The following BCAS3 variants were observed in gnomAD, a reference collection of about 807,000 sequenced individuals.
BCAS3 encodes BCAS3 microtubule associated cell migration factor.
A neutral mutation model predicts 116.1 loss-of-function variants in BCAS3; 53 were observed. The observed-to-expected ratio is 0.46, with a 90% confidence interval of 0.37 to 0.57. The LOEUF (loss-of-function observed/expected upper bound fraction) is 0.57, where lower values mean the gene tolerates loss of function less well. BCAS3 is among the 20% of genes least tolerant of loss of function. The probability of loss-of-function intolerance (pLI) is 0.00; values close to 1 mark genes in which losing one functional copy is unlikely to be tolerated. For missense variants in BCAS3, 917 were observed against 1,165.4 expected (o/e 0.79, Z 3.10); for synonymous variants, 391 against 408.2 (o/e 0.96, Z 0.51).
intron 22 of BCAS3, among the ~76,000 whole-genome samples, chr17:61,305,111 G>A (rs2053749625): frequency 6.6e-6 from 1 of 152,114 alleles, no homozygotes; most frequent in Admixed American, 6.5e-5. Flanking sequence ...ACAAGTAAAT[G>A]TGACCTTTTT....
Position 61,136,420 on chromosome 17 carries a change from C to A in BCAS3, c.2425+51856C>A, listed in dbSNP as rs1031702199. 4.6e-5 allele frequency among the ~76,000 whole-genome samples: 7 copies of A among 152,158 alleles called. No homozygotes were observed. Among genetic ancestry groups the A allele is most frequent in the African/African-American group, 1.4e-4 (6 of 41,432 alleles). ...AGTACTGAAGGTATTTTGGACTGGA[C>A]AATTCTTTGTGTGCAGCTGTTTTAT... is the stretch of plus-strand genomic sequence containing the variant. On this transcript the variant is annotated intron_variant, in intron 22 of 23. Coordinates refer to ENST00000407086, the MANE Select transcript of BCAS3 (RefSeq NM_017679.5). The surrounding 1 kb of genome is among the most constrained non-coding windows in gnomAD (Gnocchi z 4.4).
In BCAS3 at chr17:61,356,882, C is replaced by G. The variant is rs2058164578; in HGVS notation, c.2426-11445C>G. On this transcript the variant is annotated intron_variant, in intron 22 of 23. Coordinates refer to ENST00000407086, the MANE Select transcript of BCAS3 (RefSeq NM_017679.5). This position sits in a 1 kb window ranked among gnomAD's most constrained non-coding sequence, Gnocchi z 5.4. ...CAACATTGCATGCAGCCAGCCATGG[C>G]CACTGGGAGAAGAGTCAGACATGGG... 1 of 152,214 alleles carries G rather than the reference C, an allele frequency of 6.6e-6. No homozygotes were observed. The highest frequency in any genetic ancestry group is 2.4e-5 in the African/African-American group (1 of 41,438). 9.4% of individuals were successfully genotyped at this position (152,214 alleles called of 1,614,324 possible).
At chr17:60,754,060 GTCTCTC>G (rs72162091) in intron 6 of BCAS3, among the ~76,000 whole-genome samples, 1 of 151,506 alleles carries the variant, frequency 6.6e-6, no homozygotes, top group Non-Finnish European at 1.5e-5. Context: ...TTGAGACAGG[GTCTCTC>G]TCTCTCTTGC....
chr17:61,194,638 G>C (rs1035422029), intron 22 of BCAS3, among the ~76,000 whole-genome samples: 3 of 151,664 alleles, frequency 2.0e-5, no homozygotes, highest in African/African-American at 7.3e-5. Context: ...TACTCAGAAG[G>C]CTGAGGCAGG....
At position 61,355,465 on chromosome 17, in the gene BCAS3, C is replaced by T. The variant is rs1205906112; in HGVS notation, c.2426-12862C>T. Among the ~76,000 whole-genome samples, 1 of 144,986 alleles carries T rather than the reference C, an allele frequency of 6.9e-6. No individual in the cohort carries two copies. Among genetic ancestry groups the T allele is most frequent in the East Asian group, 2.3e-4 (1 of 4,334 alleles). ...GCTGAAAACCCCCTCGCTGGCACTC[C>T]AGCCATATTTTCAAAAAAAAAAATT... On this transcript the variant is annotated intron_variant, in intron 22 of 23. Transcript: ENST00000407086. The surrounding 1 kb of genome is among the most constrained non-coding windows in gnomAD (Gnocchi z 4.2).
chr17:61,084,209 CT>C lies in BCAS3; in HGVS notation c.2328-254del, dbSNP rs3214292. On this transcript the variant is annotated intron_variant, in intron 21 of 23. Coordinates refer to ENST00000407086, the MANE Select transcript of BCAS3 (RefSeq NM_017679.5). This position sits in a 1 kb window ranked among gnomAD's most constrained non-coding sequence, Gnocchi z 5.5. The stretch of plus-strand genomic sequence containing the variant: ...TTGTATCCCTTTAAATTAATGTCAG[CT>C]TTTCAGTCCCTTCCTTAAAAATCTA... Among the ~76,000 whole-genome samples the C allele has an allele frequency of 0.14, 21,489 of 152,026 alleles. 4,723 individuals are homozygous for C. Among genetic ancestry groups the C allele is most frequent in the African/African-American group, 0.47 (19,568 of 41,348 alleles).
intron 16 of BCAS3, among the ~76,000 whole-genome samples, chr17:61,033,674 T>G (rs186262395): frequency 5.9e-5 from 9 of 152,324 alleles, no homozygotes; most frequent in Non-Finnish European, 2.9e-5. Flanking sequence ...TTTTTATTGT[T>G]TCCTACCTTG....
intron 9 of BCAS3, among the ~76,000 whole-genome samples, chr17:60,886,187 C>T (rs2144977308): frequency 7.0e-6 from 1 of 142,980 alleles, no homozygotes; most frequent in Non-Finnish European, 1.5e-5. Flanking sequence ...CGCTTCATTT[C>T]ATTCATTTCA....
rs199905153 is a variant in BCAS3, at chr17:61,122,942, C to CTTT, written c.2425+38392_2425+38394dup. ...GAAAGATTCCACATTATGGGTAAGT[C>CTTT]TTTTTTTTTTTTTTTTGAGATGGAG... is the stretch of plus-strand genomic sequence containing the variant. On this transcript the variant is annotated intron_variant, in intron 22 of 23. Coordinates refer to ENST00000407086, the MANE Select transcript of BCAS3 (RefSeq NM_017679.5). The surrounding 1 kb of genome is among the most constrained non-coding windows in gnomAD (Gnocchi z 4.6). Among the ~76,000 whole-genome samples, 1 of 136,282 alleles carries CTTT rather than the reference C, an allele frequency of 7.3e-6. No homozygotes were observed. Among genetic ancestry groups the CTTT allele is most frequent in the African/African-American group, 2.7e-5 (1 of 37,380 alleles). 89.4% of individuals were successfully genotyped at this position (136,282 alleles called of 152,430 possible). A position where few individuals can be genotyped will look rare whatever the true frequency, so the allele number is the denominator to read the frequency against.
At position 61,029,305 on chromosome 17, in the gene BCAS3, A is replaced by T. The variant is rs928297782; in HGVS notation, c.1638-5361A>T. Among the ~76,000 whole-genome samples the T allele has an allele frequency of 1.3e-5, 2 of 151,940 alleles. No homozygotes were observed. The highest frequency in any genetic ancestry group is 2.9e-5 in the Non-Finnish European group (2 of 67,858). The stretch of plus-strand genomic sequence containing the variant: ...GTCCTTTACATTCATATACTTTCAG[A>T]TGAGTCGTTATAAAATACAGTCGTT... On this transcript the variant is annotated intron_variant, in intron 16 of 23. Coordinates refer to ENST00000407086, the MANE Select transcript of BCAS3 (RefSeq NM_017679.5). The surrounding 1 kb of genome is among the most constrained non-coding windows in gnomAD (Gnocchi z 5.2).
chr17:61,035,768 T>A (rs1457489061), intron 17 of BCAS3, among the ~76,000 whole-genome samples: 1 of 152,072 alleles, frequency 6.6e-6, no homozygotes, highest in East Asian at 1.9e-4. Context: ...GTACAATGCA[T>A]TTCAGTCTAA....
chr17:60,793,508 G>A (rs2046954086), intron 6 of BCAS3, among the ~76,000 whole-genome samples: 1 of 152,058 alleles, frequency 6.6e-6, no homozygotes, highest in Admixed American at 6.6e-5. Flanking sequence ...CATCACCTGA[G>A]CAGTATACAC....
chr17:61,345,360 G>C (rs756343537), intron 22 of BCAS3, among the ~76,000 whole-genome samples: 3 of 152,192 alleles, frequency 2.0e-5, no homozygotes, highest in Non-Finnish European at 4.4e-5. Context: ...AATCTTTAAA[G>C]GAAAGAATGA....
At position 60,901,155 on chromosome 17, in the gene BCAS3, G is replaced by T. The variant is rs561507740; in HGVS notation, c.739-1465G>T. 1.0e-3 allele frequency among the ~76,000 whole-genome samples: 156 copies of T among 151,900 alleles called. 1 individual carries two copies. Among genetic ancestry groups the T allele is most frequent in the African/African-American group, 3.6e-3 (150 of 41,438 alleles). ...GAACCCAAGAGGCAGAGGTTTCAGT[G>T]AGCTGAAATCATACCACTGCACTCC... On this transcript the variant is annotated intron_variant, in intron 10 of 23. Coordinates refer to ENST00000407086, the MANE Select transcript of BCAS3 (RefSeq NM_017679.5).
chr17:61,016,178 T>C (rs897801374), intron 16 of BCAS3, among the ~76,000 whole-genome samples: 10 of 152,240 alleles, frequency 6.6e-5, no homozygotes, highest in African/African-American at 1.2e-4. Flanking sequence ...CTTCGTCTTA[T>C]GCTTACTGCC....
In BCAS3 at chr17:61,088,370, C is replaced by G. The variant is rs559273146; in HGVS notation, c.2425+3806C>G. ...TTTGGGGCAGTTGCTCACTTTTTCC[C>G]ATATCCAGCTGATGAACAACAATGT... On this transcript the variant is annotated intron_variant, in intron 22 of 23. Transcript: ENST00000407086. This position sits in a 1 kb window ranked among gnomAD's most constrained non-coding sequence, Gnocchi z 4.2. Among the ~76,000 whole-genome samples, 2 of 152,316 alleles carry G rather than the reference C, an allele frequency of 1.3e-5. No homozygotes were observed. The highest frequency in any genetic ancestry group is 2.1e-4 in the South Asian group (1 of 4,832).
At chr17:60,927,894 A>C (rs968937509) in intron 13 of BCAS3, among the ~76,000 whole-genome samples, 4 of 152,126 alleles carry the variant, frequency 2.6e-5, no homozygotes, top group African/African-American at 7.2e-5. Context: ...TATACTACTT[A>C]TATTTTAATT....
intron 5 of BCAS3, among the ~76,000 whole-genome samples, chr17:60,717,215 TTC>T (rs2038718571): frequency 7.0e-6 from 1 of 142,276 alleles, no homozygotes; most frequent in South Asian, 2.1e-4. Flanking sequence ...CTTCTTCTTC[TTC>T]TTTTTTTTTT....
At chr17:60,965,807 T>C (rs2061631692) in intron 14 of BCAS3, among the ~76,000 whole-genome samples, 1 of 152,184 alleles carries the variant, frequency 6.6e-6, no homozygotes, top group Admixed American at 6.5e-5. Flanking sequence ...GTAAAGAAAA[T>C]GTATGCTGCA....
Sources: allele counts gnomAD v4.1 joint callset (sites outside exome capture counted in the v4.1 genomes callset), GRCh38; gene constraint gnomAD v4.1.1; non-coding constraint Gnocchi (gnomAD v3.1); transcripts MANE v1.5; gene names NCBI Gene and HGNC (gene_info 2026-07-23, HGNC 2026-07-21).